The following ZBTB34 variants were observed in gnomAD, a reference collection of about 807,000 sequenced individuals.
ZBTB34 encodes the protein zinc finger and BTB domain containing 34, also known as zinc finger and BTB domain-containing protein 34.
In ZBTB34, 1 loss-of-function variant was observed where a neutral mutation model predicts 33.4. The ratio of observed to expected loss-of-function variants is 0.03; its 90% confidence interval spans 0.01 to 0.14. The LOEUF (loss-of-function observed/expected upper bound fraction) is 0.14, where lower values mean the gene tolerates loss of function less well. Ranked by LOEUF, ZBTB34 falls within the 10% of genes least tolerant of loss-of-function variation. The pLI is 1.00. For missense variants in ZBTB34, 406 were observed against 657.2 expected, an observed-to-expected ratio of 0.62 and a Z score of 4.18; for synonymous variants, 283 against 253.5, an observed-to-expected ratio of 1.12 and a Z score of -1.11.
intron 1 of ZBTB34, among the ~76,000 whole-genome samples, chr9:126,878,127 A>T (rs898977382): frequency 3.3e-5 from 5 of 152,158 alleles, no homozygotes. Context: ...CGAGCTCAGG[A>T]GTTCAAGACC....
At chr9:126,873,583 C>A (rs1189529988) in intron 1 of ZBTB34, among the ~76,000 whole-genome samples, 1 of 151,320 alleles carries the variant, frequency 6.6e-6, no homozygotes, top group Non-Finnish European at 1.5e-5. Context: ...TGTTTGTTTA[C>A]TGATGAAGTT....
intron 1 of ZBTB34, among the ~76,000 whole-genome samples, chr9:126,878,544 A>C (rs2033392539): frequency 6.6e-6 from 1 of 152,016 alleles, no homozygotes; most frequent in South Asian, 2.1e-4. Flanking sequence ...AAGCAACCCA[A>C]CCCAAAAGAG....
chr9:126,866,768 G>A (rs2033206801), intron 1 of ZBTB34, among the ~76,000 whole-genome samples: 1 of 151,752 alleles, frequency 6.6e-6, no homozygotes. Flanking sequence ...TAACCTACAT[G>A]GCTTAAAAAA....
chr9:126,871,155 TAAGA>T (rs1182567161), intron 1 of ZBTB34, among the ~76,000 whole-genome samples: 1 of 150,832 alleles, frequency 6.6e-6, no homozygotes, highest in Non-Finnish European at 1.5e-5. Context: ...TTTACTTACA[TAAGA>T]AAGCCAAGAT....
At chr9:126,881,618 C>G (rs2033442925) in exon 2 of ZBTB34, 6 of 166,996 alleles carry the variant, frequency 3.6e-5, no homozygotes. Context: ...GTTCACAGCT[C>G]TGCTTCATAA....
chr9:126,875,297 A>AC (rs1588389529), intron 1 of ZBTB34, among the ~76,000 whole-genome samples: 1 of 152,244 alleles, frequency 6.6e-6, no homozygotes, highest in East Asian at 1.9e-4. Flanking sequence ...TAACTACTAG[A>AC]AAGCATTAAA....
chr9:126,881,069 TC>T, exon 2 of ZBTB34: 2 of 851,648 alleles, frequency 2.3e-6, no homozygotes, highest in Non-Finnish European at 3.6e-6. Flanking sequence ...GTTGTGTTTA[TC>T]CTTTCCCCTG....
At chr9:126,872,235 G>A (rs2033289802) in intron 1 of ZBTB34, among the ~76,000 whole-genome samples, 1 of 151,006 alleles carries the variant, frequency 6.6e-6, no homozygotes, top group Non-Finnish European at 1.5e-5. Flanking sequence ...ACAGGCGTGA[G>A]CCACCGCGCC....
At chr9:126,870,082 G>T (rs1034874062) in intron 1 of ZBTB34, among the ~76,000 whole-genome samples, 2 of 152,070 alleles carry the variant, frequency 1.3e-5, no homozygotes, top group Non-Finnish European at 2.9e-5. Flanking sequence ...TTTGGGTGTG[G>T]TTTTTTTGCC....
At chr9:126,863,646 T>C (rs2033168017) in intron 1 of ZBTB34, 1 of 982,284 alleles carries the variant, frequency 1.0e-6, no homozygotes, top group Non-Finnish European at 1.2e-6. Flanking sequence ...CGCAGTTAAA[T>C]TTCTAATGGT....
At chr9:126,874,426 T>C (rs1182156506) in intron 1 of ZBTB34, among the ~76,000 whole-genome samples, 6 of 152,154 alleles carry the variant, frequency 3.9e-5, no homozygotes, top group Non-Finnish European at 8.8e-5. Flanking sequence ...TGCTGAAAAG[T>C]ATTTTTTAGA....
intron 1 of ZBTB34, among the ~76,000 whole-genome samples, chr9:126,865,337 G>T (rs1444306236): frequency 1.3e-5 from 2 of 152,252 alleles, no homozygotes; most frequent in African/African-American, 2.4e-5. Flanking sequence ...CAGACACACT[G>T]CTGGGCTCTG....
exon 2 of ZBTB34, chr9:126,881,507 C>T (rs2033441410): frequency 6.0e-6 from 1 of 166,766 alleles, no homozygotes; most frequent in African/African-American, 2.4e-5. Flanking sequence ...CTCATCCCTA[C>T]CTAATATGTT....
chr9:126,865,009 G>A lies in ZBTB34; in HGVS notation c.-11+4270G>A, dbSNP rs75974048. On this transcript the variant is annotated intron_variant, in intron 1 of 1. Transcript: ENST00000319119. ...GGTGCAAATCTGGGTTTGGAATCAT[G>A]AGCATCTTGATTGAGAATAATGGGT... 2.1e-3 allele frequency among the ~76,000 whole-genome samples: 323 copies of A among 152,308 alleles called. 1 individual carries two copies. Among genetic ancestry groups the A allele is most frequent in the African/African-American group, 7.5e-3 (311 of 41,558 alleles).
exon 2 of ZBTB34, chr9:126,884,442 G>A (rs2033491252): frequency 6.0e-6 from 1 of 165,786 alleles, no homozygotes. Flanking sequence ...GCCCTGCCTT[G>A]GCAGTTGTGT....
At chr9:126,864,704 C>T (rs1435918611) in intron 1 of ZBTB34, among the ~76,000 whole-genome samples, 1 of 151,968 alleles carries the variant, frequency 6.6e-6, no homozygotes, top group Non-Finnish European at 1.5e-5. Flanking sequence ...TCACACAGCC[C>T]TGGTGTTATT....
chr9:126,874,311 A>G (rs1588389086), intron 1 of ZBTB34, among the ~76,000 whole-genome samples: 1 of 151,648 alleles, frequency 6.6e-6, no homozygotes, highest in Admixed American at 6.6e-5. Context: ...CGGCCTCCCA[A>G]AGTGCTGGGA....
chr9:126,870,311 T>G (rs934969142), intron 1 of ZBTB34, among the ~76,000 whole-genome samples: 2 of 152,252 alleles, frequency 1.3e-5, no homozygotes, highest in South Asian at 4.1e-4. Context: ...GCATTAAGCC[T>G]CTATCAAACT....
chr9:126,878,366 A>T lies in ZBTB34; in HGVS notation c.-10-1024A>T, dbSNP rs149461997. 6.3e-3 allele frequency among the ~76,000 whole-genome samples: 954 copies of T among 152,016 alleles called. 38 individuals carry two copies. In the East Asian group the frequency reaches 0.1, roughly 16 times the overall value. On this transcript the variant is annotated intron_variant, in intron 1 of 1. Coordinates refer to ENST00000319119, the Ensembl canonical transcript of ZBTB34. ...ATGCCTGTAATCCCAGCTATTCAGG[A>T]GGCTGAGGCATGAGAATTGCTTGAA...
Sources: gnomAD v4.1 joint callset for allele counts (sites outside exome capture counted in the v4.1 genomes callset) on GRCh38, gnomAD v4.1.1 for gene constraint, MANE v1.5 for transcripts, NCBI Gene and HGNC (gene_info 2026-07-23, HGNC 2026-07-21) for gene names.